RPS6KC1: variants seen among roughly 807,000 people sequenced by gnomAD.
The protein encoded by RPS6KC1 is inactive ribosomal protein S6 kinase delta-1.
Under a neutral mutation model 103.8 loss-of-function variants are expected in RPS6KC1, and 54 were observed. The ratio of observed to expected loss-of-function variants is 0.52; its 90% CI spans 0.42 to 0.65. The LOEUF is 0.65. Among genes scored for constraint, RPS6KC1 ranks in the 30% least tolerant of loss-of-function variants. RPS6KC1 has a pLI of 0.00. For missense variants in RPS6KC1, 1,151 were observed against 1,253.8 expected, an observed-to-expected ratio of 0.92 and a Z score of 1.24; for synonymous variants, 439 against 438.7, an observed-to-expected ratio of 1.00 and a Z score of -0.01.
At chr1:213,286,939 C>A in the RPS6KC1 span, among the ~76,000 whole-genome samples, 5 of 152,264 alleles carry the variant, frequency 3.3e-5, no homozygotes, top group African/African-American at 1.2e-4. Flanking sequence ...GCAACAGACA[C>A]TGTGGGCAAC....
chr1:213,417,622 G>A, the RPS6KC1 span, among the ~76,000 whole-genome samples: 1 of 151,766 alleles, frequency 6.6e-6, no homozygotes, highest in African/African-American at 2.4e-5. Flanking sequence ...AAACAGCTGC[G>A]TTCAAATGGG....
chr1:213,474,348 C>T, the RPS6KC1 span, among the ~76,000 whole-genome samples: 2 of 151,416 alleles, frequency 1.3e-5, no homozygotes, highest in South Asian at 4.2e-4. Flanking sequence ...GTCCTGGTTT[C>T]TGAGGGTGGA....
chr1:213,347,856 C>A, the RPS6KC1 span, among the ~76,000 whole-genome samples: 1 of 152,182 alleles, frequency 6.6e-6, no homozygotes, highest in African/African-American at 2.4e-5. Flanking sequence ...CCCCCATCTG[C>A]AAAGTCTGCT....
At chr1:213,511,750 T>C in the RPS6KC1 span, among the ~76,000 whole-genome samples, 1 of 152,358 alleles carries the variant, frequency 6.6e-6, no homozygotes, top group African/African-American at 2.4e-5. Flanking sequence ...TTCAAGCCTT[T>C]GTTTAAATGT....
chr1:213,793,245 C>T, the RPS6KC1 span, among the ~76,000 whole-genome samples: 1 of 152,206 alleles, frequency 6.6e-6, no homozygotes, highest in African/African-American at 2.4e-5. Flanking sequence ...GCCTCCTTCT[C>T]TCTCCTCCAT....
chr1:213,453,687 A>G, the RPS6KC1 span, among the ~76,000 whole-genome samples: 1 of 152,218 alleles, frequency 6.6e-6, no homozygotes, highest in African/African-American at 2.4e-5. Flanking sequence ...GGGTAACAGT[A>G]AAAAGTTGAA....
In RPS6KC1 at chr1:213,242,626, G is replaced by C; in HGVS notation, c.2879G>C (p.Ser960Thr). 2 of 1,612,434 alleles carry C rather than the reference G, an allele frequency of 1.2e-6. No individual in the cohort carries two copies. The highest frequency in any genetic ancestry group is 1.7e-6 in the Non-Finnish European group (2 of 1,179,090). The change falls in exon 12 of 15, where the codon AGC becomes ACC. Residue 960 changes from serine to threonine, a missense_variant. Coordinates refer to ENST00000366960, the MANE Select transcript of RPS6KC1 (RefSeq NM_012424.6). ...RWSEVEDSCDSDAIERMYCAP... is the reference protein window; with the variant it reads ...RWSEVEDSCDTDAIERMYCAP... ...AGTGAGGTTGAAGATTCCTGTGACA[G>C]CGATGCCATAGAGAGAATGTACTGT...
chr1:213,175,651 G>A (rs1383498849), intron 7 of RPS6KC1, among the ~76,000 whole-genome samples: 1 of 152,158 alleles, frequency 6.6e-6, no homozygotes, highest in African/African-American at 2.4e-5. Context: ...AAAATTGTGT[G>A]CAGAATTTAA....
At chr1:213,673,569 AGCAC>A in the RPS6KC1 span, among the ~76,000 whole-genome samples, 1 of 152,184 alleles carries the variant, frequency 6.6e-6, no homozygotes, top group African/African-American at 2.4e-5. Flanking sequence ...AACTCCTACA[AGCAC>A]TATCTATAGA....
chr1:213,340,554 A>G, the RPS6KC1 span, among the ~76,000 whole-genome samples: 1 of 152,270 alleles, frequency 6.6e-6, no homozygotes, highest in African/African-American at 2.4e-5. Context: ...AGGTAATTAT[A>G]CATAAATACT....
At chr1:213,404,126 G>A in the RPS6KC1 span, among the ~76,000 whole-genome samples, 1 of 152,194 alleles carries the variant, frequency 6.6e-6, no homozygotes, top group East Asian at 1.9e-4. Context: ...GGGAGCTCCT[G>A]TGCGTAGATA....
chr1:213,766,456 T>C, the RPS6KC1 span, among the ~76,000 whole-genome samples: 1 of 152,136 alleles, frequency 6.6e-6, no homozygotes, highest in Non-Finnish European at 1.5e-5. Flanking sequence ...GGACTGGAGA[T>C]GATGAGGGAA....
chr1:213,167,486 A>ACG lies in RPS6KC1; in HGVS notation c.836-371_836-370insGC, dbSNP rs1558462569. Reference sequence around the variant, plus strand: ...CACACACACACACACACACACACACACACAACAGCTGTTGCATTTGGTCCT... The same window carrying ACG: ...CACACACACACACACACACACACACACGCACAACAGCTGTTGCATTTGGTCCT... On this transcript the variant is annotated intron_variant, in intron 6 of 14. Transcript: ENST00000366960. Among the ~76,000 whole-genome samples the ACG allele has an allele frequency of 1.5e-3, 196 of 135,160 alleles. 3 individuals carry two copies. In the Middle Eastern group the frequency reaches 0.015, roughly 11 times the overall value. The allele number at this position is 135,160 out of a possible 152,430, so 88.7% of individuals were successfully genotyped here.
the RPS6KC1 span, among the ~76,000 whole-genome samples, chr1:213,312,098 A>G: frequency 6.6e-6 from 1 of 152,012 alleles, no homozygotes; most frequent in Non-Finnish European, 1.5e-5. Flanking sequence ...GGGTTTCACC[A>G]TGTTGGCAGG....
At chr1:213,589,890 A>G in the RPS6KC1 span, among the ~76,000 whole-genome samples, 2 of 124,490 alleles carry the variant, frequency 1.6e-5, no homozygotes, top group Non-Finnish European at 3.6e-5. Context: ...ATTCACATAT[A>G]TTTTTTGTGG....
chr1:213,411,508 A>G, the RPS6KC1 span, among the ~76,000 whole-genome samples: 1 of 152,100 alleles, frequency 6.6e-6, no homozygotes, highest in African/African-American at 2.4e-5. Flanking sequence ...ATTGGATGGG[A>G]GACACTGGGA....
At chr1:213,716,526 G>A in the RPS6KC1 span, among the ~76,000 whole-genome samples, 1 of 152,072 alleles carries the variant, frequency 6.6e-6, no homozygotes, top group East Asian at 1.9e-4. Flanking sequence ...GAATCTTATT[G>A]CAAAATACTT....
intron 10 of RPS6KC1, among the ~76,000 whole-genome samples, chr1:213,238,063 A>T (rs1261335428): frequency 6.6e-6 from 1 of 152,130 alleles, no homozygotes; most frequent in East Asian, 1.9e-4. Flanking sequence ...CCTGTTTTAC[A>T]TGCTAGATAG....
chr1:213,505,149 A>T, the RPS6KC1 span, among the ~76,000 whole-genome samples: 1 of 152,036 alleles, frequency 6.6e-6, no homozygotes, highest in Non-Finnish European at 1.5e-5. Context: ...ATCCCCTGAG[A>T]TCCTATTCTA....
Sources: allele counts gnomAD v4.1 joint callset (sites outside exome capture counted in the v4.1 genomes callset), GRCh38; gene constraint gnomAD v4.1.1; transcripts MANE v1.5; gene names NCBI Gene and HGNC (gene_info 2026-07-23, HGNC 2026-07-21).